Variants in OCSTAMP observed in about 807,000 individuals in gnomAD.
OCSTAMP encodes osteoclast stimulatory transmembrane protein.
OCSTAMP carries 17 observed loss-of-function variants against 25.2 expected under a neutral mutation model. That is an observed-to-expected ratio of 0.68 (90% CI 0.46 to 1.01). The LOEUF (loss-of-function observed/expected upper bound fraction) is 1.01. Ranked by LOEUF, OCSTAMP falls within the 50% of genes least tolerant of loss-of-function variation. The pLI, the probability that OCSTAMP is intolerant of heterozygous loss-of-function variation, is 0.00. For missense variants in OCSTAMP, 664 were observed against 694.6 expected, an observed-to-expected ratio of 0.96 and a Z score of 0.50; for synonymous variants, 345 against 318.9, an observed-to-expected ratio of 1.08 and a Z score of -0.87.
intron 2 of OCSTAMP, 135 bp downstream of exon 2, chr20:46,545,192 T>A (rs923591023): frequency 1.7e-5 from 15 of 859,160 alleles, no homozygotes; most frequent in Non-Finnish European, 2.4e-5. Flanking sequence ...CTGCCCATGG[T>A]ATGGGGCCCC....
At chr20:46,549,808 CTG>C (rs3971980) in intron 1 of OCSTAMP, among the ~76,000 whole-genome samples, 11 of 149,060 alleles carry the variant, frequency 7.4e-5, no homozygotes, top group Non-Finnish European at 1.2e-4. Context: ...GTGGCCCACT[CTG>C]TGTGTGTGTG....
chr20:46,550,627 GGGGAATCGCTGGGACTT>G lies in OCSTAMP; in HGVS notation c.-84_-68del. 2.8e-6 allele frequency: 4 copies of G among 1,451,458 alleles called. No homozygotes were observed. Among genetic ancestry groups the G allele is most frequent in the Non-Finnish European group, 3.8e-6 (4 of 1,056,496 alleles). 89.9% of individuals were successfully genotyped at this position (1,451,458 alleles called of 1,614,324 possible). ...AGCTGTGGCAGGTGGAGAGGAAGTG[GGGGAATCGCTGGGACTT>G]GGGAATCCCTGCCACTTCTGCTTTT... On this transcript the variant is annotated 5_prime_UTR_variant, in exon 1 of 3. Coordinates refer to ENST00000279028, the MANE Select transcript of OCSTAMP (RefSeq NM_080721.3).
Position 46,541,518 on chromosome 20 carries a change from A to C in OCSTAMP, c.1457T>G (p.Leu486Arg). 1.3e-6 allele frequency: 2 copies of C among 1,551,704 alleles called. No individual in the cohort carries two copies. The highest frequency in any genetic ancestry group is 1.7e-6 in the Non-Finnish European group (2 of 1,146,948). The change falls in exon 3 of 3, where the codon CTG (leucine) becomes CGG (arginine). Residue 486 changes from leucine (L) to arginine (R), a missense_variant. Coordinates refer to ENST00000279028, the MANE Select transcript of OCSTAMP (RefSeq NM_080721.3). ...ACTGCTCTCGGTTCTTAAGGCATCC[A>C]GCCTGTAGTCTATCCATGCCGGAGG... ...CKPPAWIDYR[L>R]DALRTESSEG...
At chr20:46,542,358 T>C (rs1008496580) in intron 2 of OCSTAMP, among the ~76,000 whole-genome samples, 1 of 152,010 alleles carries the variant, frequency 6.6e-6, no homozygotes, top group Non-Finnish European at 1.5e-5. Flanking sequence ...GGCGGGTGGA[T>C]CACTTGAAGT....
chr20:46,546,267 G>A lies in OCSTAMP; in HGVS notation c.107C>T (p.Ala36Val). 6.4e-7 allele frequency: 1 copy of A among 1,550,696 alleles called. No homozygotes were observed. The highest frequency in any genetic ancestry group is 8.7e-7 in the Non-Finnish European group (1 of 1,146,936). Reference sequence around the variant, plus strand: ...GCTGGCTGGAACAGGCTGGGAGAAGGCGTCCCAGGCAGCCTGCAGTGGGGC... The same window carrying A: ...GCTGGCTGGAACAGGCTGGGAGAAGACGTCCCAGGCAGCCTGCAGTGGGGC... ...ALAPLQAAWD[A>V]FSQPVPASCG... The change falls in exon 2 of 3, where the codon GCC becomes GTC. Residue 36 changes from alanine to valine, a missense_variant. By Grantham distance (64) the Ala-to-Val change is moderately conservative. Transcript: ENST00000279028.
rs891448326 is a variant in OCSTAMP at position 46,541,769 on chromosome 20, C to T, written c.1206G>A (p.Pro402=). 6.5e-7 allele frequency: 1 copy of T among 1,527,794 alleles called. No homozygotes were observed. The highest frequency in any genetic ancestry group is 1.4e-5 in the African/African-American group (1 of 72,324). 94.6% of individuals were successfully genotyped at this position (1,527,794 alleles called of 1,614,324 possible). A position where few individuals can be genotyped will look rare whatever the true frequency, so the allele number is the denominator to read the frequency against. Residue 402 remains proline (P), a synonymous_variant, in exon 3 of 3, where the codon CCG becomes CCA. Coordinates refer to ENST00000279028, the MANE Select transcript of OCSTAMP (RefSeq NM_080721.3). The stretch of plus-strand genomic sequence containing the variant: ...GGAGCTGCAGGGCCCCCGCGGCCAG[C>T]GGGGCAGCTGCGCGGGGACGCCGGG... ...LPARRPRAAA[P]LAAGALQLLA...
rs2146054502 is a variant in OCSTAMP at position 46,546,345 on chromosome 20, T to C, written c.45-16A>G. The C allele has an allele frequency of 6.5e-7, 1 of 1,542,252 alleles. No individual in the cohort carries two copies. The highest frequency in any genetic ancestry group is 2.4e-5 in the East Asian group (1 of 40,834). ...GGACCTCCACCTGCACACAAGGAAA[T>C]TGAAGGGCATCTCTATCAGGAGGTG... On this transcript the variant is annotated splice_polypyrimidine_tract_variant and intron_variant, in intron 1 of 2. Transcript: ENST00000279028.
chr20:46,550,490 C>T (rs1243763937), intron 1 of OCSTAMP, 27 bp downstream of exon 1: 90 of 1,549,192 alleles, frequency 5.8e-5, no homozygotes, highest in Non-Finnish European at 7.8e-5. Context: ...ACCTGTAGCC[C>T]TCAGTGTCCA....
Position 46,541,726 on chromosome 20 carries a change from G to A in OCSTAMP, c.1249C>T (p.Leu417Phe). 6.5e-7 allele frequency: 1 copy of A among 1,547,356 alleles called. No homozygotes were observed. The highest frequency in any genetic ancestry group is 8.7e-7 in the Non-Finnish European group (1 of 1,146,070). ...ALQLLAGSTVLLEAYARRLRH... is the reference protein window; with the variant it reads ...ALQLLAGSTVFLEAYARRLRH... Reference sequence around the variant, plus strand: ...AGGCGGCGGGCGTAGGCCTCCAGGAGCACCGTGGAGCCCGCCAGGAGCTGC... The same window carrying A: ...AGGCGGCGGGCGTAGGCCTCCAGGAACACCGTGGAGCCCGCCAGGAGCTGC... The change falls in exon 3 of 3, where the codon CTC becomes TTC. Residue 417 changes from leucine (L) to phenylalanine (F), a missense_variant. By Grantham distance (22) the Leu-to-Phe change is conservative (BLOSUM62 0). Coordinates refer to ENST00000279028, the MANE Select transcript of OCSTAMP (RefSeq NM_080721.3).
rs942139675 is a variant in OCSTAMP at position 46,545,743 on chromosome 20, A to T, written c.631T>A (p.Phe211Ile). 7.1e-6 allele frequency: 11 copies of T among 1,551,482 alleles called. No homozygotes were observed. In the African/African-American group the frequency reaches 1.4e-4, roughly 19 times the overall value. Residue 211 changes from phenylalanine (F) to isoleucine (I), a missense_variant, in exon 2 of 3, where the codon TTC becomes ATC. Transcript: ENST00000279028. ...CGGGCCAGGGACTCCAGGCCAGAGA[A>T]ATCCTCCAGGACCTGCTGAGTGACC... The part of the protein sequence containing the change: ...LRVTQQVLED[F>I]SGLESLARAA...
chr20:46,543,142 CCCTCCCTTCCTTCCTT>C (rs1164531448), intron 2 of OCSTAMP, among the ~76,000 whole-genome samples: 2 of 151,032 alleles, frequency 1.3e-5, no homozygotes, highest in East Asian at 2.0e-4. Context: ...TACTTCCCCT[CCCTCCCTTCCTTCCTT>C]CCTCCCTTCC....
chr20:46,550,535 T>C lies in OCSTAMP; in HGVS notation c.26A>G (p.Glu9Gly). The C allele has an allele frequency of 6.4e-6, 10 of 1,551,740 alleles. No homozygotes were observed. Among genetic ancestry groups the C allele is most frequent in the Non-Finnish European group, 8.7e-6 (10 of 1,146,986 alleles). MPGHPGAA[E>G]QLVKTGWRSW... ...GACCTACCCGGTCTTGACAAGTTGC[T>C]CAGCTGCTCCTGGGTGGCCTGGCAT... Residue 9 changes from glutamate (E) to glycine (G), a missense_variant, in exon 1 of 3, where the codon GAG (glutamate) becomes GGG (glycine). Physicochemically the swap from Glu to Gly is moderately conservative, Grantham distance 98. Transcript: ENST00000279028.
intron 1 of OCSTAMP, among the ~76,000 whole-genome samples, chr20:46,547,523 A>T (rs1441579876): frequency 6.6e-6 from 1 of 152,226 alleles, no homozygotes; most frequent in East Asian, 1.9e-4. Flanking sequence ...TGTGGTGCTT[A>T]GGAAGCCAAA....
chr20:46,542,630 C>T (rs2061838258), intron 2 of OCSTAMP, among the ~76,000 whole-genome samples: 1 of 149,146 alleles, frequency 6.7e-6, no homozygotes, highest in African/African-American at 2.5e-5. Context: ...ATGTTGCCAA[C>T]TCAGGGATCA....
chr20:46,542,244 T>C (rs2061837028), intron 2 of OCSTAMP, among the ~76,000 whole-genome samples: 1 of 152,176 alleles, frequency 6.6e-6, no homozygotes, highest in Non-Finnish European at 1.5e-5. Flanking sequence ...CCATCCAATA[T>C]ACACAATTCT....
intron 1 of OCSTAMP, among the ~76,000 whole-genome samples, chr20:46,547,664 C>T (rs1216754927): frequency 3.9e-5 from 6 of 152,136 alleles, no homozygotes; most frequent in Non-Finnish European, 7.3e-5. Context: ...AGGGAGAGTT[C>T]GGTGGCTTTT....
At chr20:46,543,651 T>A (rs1268638082) in intron 2 of OCSTAMP, among the ~76,000 whole-genome samples, 1 of 152,132 alleles carries the variant, frequency 6.6e-6, no homozygotes, top group Non-Finnish European at 1.5e-5. Context: ...TTTTTCTTTT[T>A]ATGTATACGC....
At chr20:46,546,437 C>A in intron 1 of OCSTAMP, 108 bp from the exon 2 acceptor site, 1 of 982,632 alleles carries the variant, frequency 1.0e-6, no homozygotes, top group Non-Finnish European at 1.5e-6. Context: ...TAACAGACTC[C>A]ACCCTTGTAG....
At chr20:46,550,317 T>C (rs1242923379) in intron 1 of OCSTAMP, among the ~76,000 whole-genome samples, 200 bp downstream of exon 1, 1 of 152,234 alleles carries the variant, frequency 6.6e-6, no homozygotes, top group African/African-American at 2.4e-5. Context: ...TCTCATTCAA[T>C]TCTGGCAACA....
Sources: allele counts gnomAD v4.1 joint callset (sites outside exome capture counted in the v4.1 genomes callset), GRCh38; gene constraint gnomAD v4.1.1; transcripts MANE v1.5; gene names NCBI Gene and HGNC (gene_info 2026-07-23, HGNC 2026-07-21).